The following STON2 variants were observed in gnomAD, a reference collection of about 807,000 sequenced individuals.
STON2 encodes stonin-2.
STON2 carries 29 observed loss-of-function variants against 65.7 expected under a neutral mutation model. That is an observed-to-expected ratio of 0.44 (90% CI 0.33 to 0.60). The LOEUF (loss-of-function observed/expected upper bound fraction) is 0.60. Among genes scored for constraint, STON2 ranks in the 20% least tolerant of loss-of-function variants. The probability of loss-of-function intolerance (pLI) is 0.03; values close to 1 mark genes in which losing one functional copy is unlikely to be tolerated. For synonymous variants in STON2, 404 were observed against 414.2 expected, an observed-to-expected ratio of 0.98 and a Z score of 0.30; for missense variants, 1,054 against 1,118.1, an observed-to-expected ratio of 0.94 and a Z score of 0.82.
At chr14:81,292,979 G>A (rs1895617573) in intron 5 of STON2, among the ~76,000 whole-genome samples, 1 of 152,134 alleles carries the variant, frequency 6.6e-6, no homozygotes. Flanking sequence ...TCCTTTTGGG[G>A]ACTCCCCCGT....
chr14:81,411,141 G>A (rs1293097810), intron 2 of STON2, among the ~76,000 whole-genome samples: 2 of 152,200 alleles, frequency 1.3e-5, no homozygotes, highest in African/African-American at 4.8e-5. Context: ...TTTGGGGTAT[G>A]TTCCCTTTCA....
At chr14:81,384,424 CAG>C (rs34122650) in intron 3 of STON2, among the ~76,000 whole-genome samples, 1,627 of 152,098 alleles carry the variant, frequency 0.011, 29 homozygotes, top group South Asian at 0.044. Context: ...TTAGTAGAGA[CAG>C]GGTTTCACTA....
intron 4 of STON2, among the ~76,000 whole-genome samples, chr14:81,357,290 C>T (rs1267555236): frequency 2.0e-5 from 3 of 151,960 alleles, no homozygotes; most frequent in African/African-American, 4.8e-5. Flanking sequence ...CCAAAAAACA[C>T]ATGAAAAAAT....
chr14:81,413,006 A>G, intron 2 of STON2: 1 of 1,098,790 alleles, frequency 9.1e-7, no homozygotes, highest in South Asian at 1.4e-5. Flanking sequence ...AAATGCGGAC[A>G]TGTCGGAAGA....
chr14:81,359,109 A>G (rs1000246377), intron 4 of STON2, among the ~76,000 whole-genome samples: 2 of 152,188 alleles, frequency 1.3e-5, no homozygotes, highest in East Asian at 3.9e-4. Flanking sequence ...GTGCATCCAG[A>G]ACATTATCCA....
At chr14:81,349,895 C>CA (rs921587143) in intron 4 of STON2, among the ~76,000 whole-genome samples, 57 of 151,254 alleles carry the variant, frequency 3.8e-4, no homozygotes, top group African/African-American at 1.2e-3. Context: ...ATTATTCAGC[C>CA]AAAAAAAAGA....
At chr14:81,393,085 A>T (rs1057127467) in intron 3 of STON2, among the ~76,000 whole-genome samples, 2 of 152,226 alleles carry the variant, frequency 1.3e-5, no homozygotes, top group African/African-American at 4.8e-5. Flanking sequence ...TTCACAATAT[A>T]TCAAAAGCAT....
intron 1 of STON2, chr14:81,435,999 G>A (rs1902403860): frequency 6.6e-6 from 1 of 152,398 alleles, no homozygotes; most frequent in African/African-American, 2.4e-5. Context: ...AAGACATCCT[G>A]GGCGTCCCAA....
At chr14:81,436,160 G>T (rs909165216) in intron 1 of STON2, 1 of 152,144 alleles carries the variant, frequency 6.6e-6, no homozygotes, top group South Asian at 2.1e-4. Context: ...GCCTCCGCGT[G>T]GCTCGACCAG....
At chr14:81,330,832 C>T (rs1897184389) in intron 4 of STON2, among the ~76,000 whole-genome samples, 1 of 152,202 alleles carries the variant, frequency 6.6e-6, no homozygotes, top group South Asian at 2.1e-4. Flanking sequence ...GATTAGCTGG[C>T]CTTACAGACA....
chr14:81,306,271 C>T (rs1896179712), intron 5 of STON2, among the ~76,000 whole-genome samples: 1 of 141,520 alleles, frequency 7.1e-6, no homozygotes, highest in African/African-American at 2.7e-5. Flanking sequence ...ACTCAGTCGC[C>T]CAGGCTGGAG....
chr14:81,401,542 A>ATT (rs988365673), upstream of STON2, among the ~76,000 whole-genome samples: 58 of 152,304 alleles, frequency 3.8e-4, no homozygotes, highest in African/African-American at 1.3e-3. Flanking sequence ...CTGGAAACCC[A>ATT]CAGAAGAACC....
rs1412593414 is a variant in STON2 at position 81,266,009 on chromosome 14, T to C, written c.*2405A>G. 2 of 985,346 alleles carry C rather than the reference T, an allele frequency of 2.0e-6. No individual in the cohort carries two copies. Among genetic ancestry groups the C allele is most frequent in the Admixed American group, 6.1e-5 (1 of 16,270 alleles). 61.0% of individuals were successfully genotyped at this position (985,346 alleles called of 1,614,324 possible). A position where few individuals can be genotyped will look rare whatever the true frequency, so the allele number is the denominator to read the frequency against. ...GCCTTCAGTACAACAGGGGAAGAGA[T>C]ATGCGTTGAAATTCCTTGACAAAAA... On this transcript the variant is annotated 3_prime_UTR_variant, in exon 8 of 8. Coordinates refer to ENST00000614646, the MANE Select transcript of STON2 (RefSeq NM_001394390.1).
intron 4 of STON2, among the ~76,000 whole-genome samples, chr14:81,350,093 G>A (rs1175463778): frequency 6.6e-6 from 1 of 152,020 alleles, no homozygotes; most frequent in African/African-American, 2.4e-5. Context: ...CAGAGAGGTT[G>A]GTTAATGGGT....
intron 4 of STON2, among the ~76,000 whole-genome samples, chr14:81,340,902 G>C (rs1897583371): frequency 6.6e-6 from 1 of 151,158 alleles, no homozygotes; most frequent in East Asian, 1.9e-4. Context: ...CTAATCACTA[G>C]TGGAATATGT....
chr14:81,342,786 A>G (rs1206345086), intron 4 of STON2, among the ~76,000 whole-genome samples: 1 of 152,176 alleles, frequency 6.6e-6, no homozygotes, highest in African/African-American at 2.4e-5. Flanking sequence ...CATGGGGACA[A>G]GTGAAGCCAG....
chr14:81,326,888 T>C (rs1043989698), intron 4 of STON2, among the ~76,000 whole-genome samples: 8 of 152,232 alleles, frequency 5.3e-5, no homozygotes, highest in African/African-American at 1.9e-4. Context: ...ATTTGGGGTG[T>C]ACAGTTTGAC....
At chr14:81,280,092 T>C (rs984087426) in intron 5 of STON2, among the ~76,000 whole-genome samples, 1 of 152,242 alleles carries the variant, frequency 6.6e-6, no homozygotes, top group Non-Finnish European at 1.5e-5. Context: ...CATGATATAA[T>C]CTCCTTTTTT....
At chr14:81,378,747 T>C (rs535354820) in intron 3 of STON2, among the ~76,000 whole-genome samples, 72 of 152,378 alleles carry the variant, frequency 4.7e-4, no homozygotes, top group African/African-American at 1.7e-3. Flanking sequence ...CCCTTGGGGA[T>C]AATATCACCC....
Sources: gnomAD v4.1 joint callset for allele counts (sites outside exome capture counted in the v4.1 genomes callset) on GRCh38, gnomAD v4.1.1 for gene constraint, MANE v1.5 for transcripts, NCBI Gene and HGNC (gene_info 2026-07-23, HGNC 2026-07-21) for gene names.